The following CACNA1E variants were observed in gnomAD, a reference collection of about 807,000 sequenced individuals.
CACNA1E encodes calcium voltage-gated channel subunit alpha1 E, also known as voltage-dependent R-type calcium channel subunit alpha-1E.
Under a neutral mutation model 259.2 loss-of-function variants are expected in CACNA1E, and 40 were observed. The observed-to-expected ratio is 0.15, with a 90% confidence interval of 0.12 to 0.20. CACNA1E has a LOEUF of 0.20. Among genes scored for constraint, CACNA1E ranks in the 10% least tolerant of loss-of-function variants. The pLI is 1.00. For synonymous variants in CACNA1E, 1,104 were observed against 1,138.5 expected, an observed-to-expected ratio of 0.97 and a Z score of 0.61; for missense variants, 1,874 against 3,040.1, an observed-to-expected ratio of 0.62 and a Z score of 9.02.
upstream of CACNA1E, among the ~76,000 whole-genome samples, chr1:181,480,564 G>A (rs1264642334): frequency 6.6e-6 from 1 of 152,206 alleles, no homozygotes; most frequent in East Asian, 1.9e-4. Context: ...AATACAGGAC[G>A]TGGAATACTG....
At position 181,657,661 on chromosome 1, in the gene CACNA1E, G is replaced by C. The variant is rs74127814; in HGVS notation, c.1055+6220G>C. On this transcript the variant is annotated intron_variant, in intron 7 of 47. Coordinates refer to ENST00000367573, the MANE Select transcript of CACNA1E (RefSeq NM_001205293.3). Reference sequence around the variant, plus strand: ...ATAAGAATATTCATCTAACATCCGTGGGGGAAGGATTGGCATGGAGAGAGA... The same window carrying C: ...ATAAGAATATTCATCTAACATCCGTCGGGGAAGGATTGGCATGGAGAGAGA... 5.3e-3 allele frequency among the ~76,000 whole-genome samples: 808 copies of C among 152,304 alleles called. 6 individuals are homozygous for C. Among genetic ancestry groups the C allele is most frequent in the African/African-American group, 0.019 (777 of 41,560 alleles).
intron 2 of CACNA1E, among the ~76,000 whole-genome samples, chr1:181,442,239 G>GGC (rs1660529281): frequency 6.6e-6 from 1 of 151,348 alleles, no homozygotes; most frequent in Admixed American, 6.6e-5. Context: ...AAGTATGAGG[G>GGC]ACACAGGTGT....
In CACNA1E at chr1:181,464,309, C is replaced by A. The variant is rs558120204; in HGVS notation, c.435-19435C>A. ...AAATGGATAGATTAACCTAAGGGAGCCTTGCCATATTTAAGCTACTTCGTT... is the reference window on the plus strand; with the variant it reads ...AAATGGATAGATTAACCTAAGGGAGACTTGCCATATTTAAGCTACTTCGTT... On this transcript the variant is annotated intron_variant, in intron 2 of 11. Coordinates refer to the CACNA1E transcript ENST00000524607. Among the ~76,000 whole-genome samples, 141 of 150,914 alleles carry A rather than the reference C, an allele frequency of 9.3e-4. 1 individual carries two copies. The highest frequency in any genetic ancestry group is 1.4e-3 in the Non-Finnish European group (95 of 67,838).
rs770927901 is a variant in CACNA1E at position 181,793,744 on chromosome 1, C to T, written c.5978C>T (p.Ala1993Val). 21 of 1,611,054 alleles carry T rather than the reference C, an allele frequency of 1.3e-5. No individual in the cohort carries two copies. Among genetic ancestry groups the T allele is most frequent in the South Asian group, 4.4e-5 (4 of 90,570 alleles). ...CTTCCTTCGGACACCCAGGAGCATG[C>T]GGGATCTGGGAGGGCATCTTCTATG... ...IYLPSDTQEH[A>V]GSGRASSMPR... Residue 1993 changes from alanine (A) to valine (V), a missense_variant, in exon 45 of 48, where the codon GCG (alanine) becomes GTG (valine). By Grantham distance (64) the Ala-to-Val change is moderately conservative. Coordinates refer to ENST00000367573, the MANE Select transcript of CACNA1E (RefSeq NM_001205293.3).
Position 181,351,437 on chromosome 1 carries a change from C to T in CACNA1E, c.-15+33314C>T, listed in dbSNP as rs563001556. Reference sequence around the variant, plus strand: ...CCAGAGTGGCAGAACTTTGGTTTTCCGGTATGGAGATAAAGTGATTTGGAT... The same window carrying T: ...CCAGAGTGGCAGAACTTTGGTTTTCTGGTATGGAGATAAAGTGATTTGGAT... On this transcript the variant is annotated intron_variant, in intron 1 of 11. Transcript: ENST00000524607. Among the ~76,000 whole-genome samples, 24 of 152,294 alleles carry T rather than the reference C, an allele frequency of 1.6e-4. No individual in the cohort carries two copies. In the East Asian group the frequency reaches 3.3e-3, roughly 21 times the overall value.
At chr1:181,621,698 G>A (rs1655731456) in intron 6 of CACNA1E, among the ~76,000 whole-genome samples, 1 of 152,140 alleles carries the variant, frequency 6.6e-6, no homozygotes, top group Non-Finnish European at 1.5e-5. Context: ...GCTCCTTAAT[G>A]GCTTAAAGCA....
At chr1:181,488,620 A>G (rs774075552) in intron 1 of CACNA1E, among the ~76,000 whole-genome samples, 4 of 152,208 alleles carry the variant, frequency 2.6e-5, no homozygotes, top group Non-Finnish European at 4.4e-5. Flanking sequence ...AGTTGGAGTG[A>G]AGGAATTTGA....
intron 44 of CACNA1E, 27 bp from the exon 45 acceptor site, chr1:181,793,638 C>T: frequency 6.2e-7 from 1 of 1,602,846 alleles, no homozygotes; most frequent in Non-Finnish European, 8.5e-7. Flanking sequence ...CCAAGTCCCA[C>T]AAGCTTGGCT....
chr1:181,457,579 G>T (rs551069761), intron 2 of CACNA1E, among the ~76,000 whole-genome samples: 2 of 152,336 alleles, frequency 1.3e-5, no homozygotes, highest in African/African-American at 2.4e-5. Context: ...AACTTCTGCA[G>T]GGGGAGCCTA....
chr1:181,502,282 A>C (rs1380096573), intron 1 of CACNA1E, among the ~76,000 whole-genome samples: 1 of 152,244 alleles, frequency 6.6e-6, no homozygotes, highest in Non-Finnish European at 1.5e-5. Flanking sequence ...AAATAGGAAG[A>C]TAGTCCATAT....
intron 7 of CACNA1E, among the ~76,000 whole-genome samples, chr1:181,661,668 A>G (rs1253826635): frequency 6.6e-6 from 1 of 152,120 alleles, no homozygotes; most frequent in East Asian, 1.9e-4. Flanking sequence ...TTTTTCTTGT[A>G]AGCTATAATT....
rs532780683 is a variant in CACNA1E, at chr1:181,397,738, C to A, written c.-14-15395C>A. ...GACCTGGTGTCCCTCCCCCTCATCC[C>A]GTCTTGTCCTTCCCTCTCCCTGCTG... On this transcript the variant is annotated intron_variant, in intron 1 of 11. Transcript: ENST00000524607. 2.0e-5 allele frequency among the ~76,000 whole-genome samples: 3 copies of A among 152,336 alleles called. No homozygotes were observed. The East Asian group carries it at 5.8e-4, about 29-fold the overall frequency.
intron 1 of CACNA1E, among the ~76,000 whole-genome samples, chr1:181,387,566 G>T (rs1655943870): frequency 6.6e-6 from 1 of 152,178 alleles, no homozygotes; most frequent in African/African-American, 2.4e-5. Context: ...TCCTCAGTGT[G>T]TTCTGTTGTG....
At chr1:181,392,527 C>G (rs935327181) in intron 1 of CACNA1E, among the ~76,000 whole-genome samples, 2 of 152,192 alleles carry the variant, frequency 1.3e-5, no homozygotes, top group African/African-American at 4.8e-5. Flanking sequence ...GTCATTAAGT[C>G]TTTGTATTCA....
Position 181,639,829 on chromosome 1 carries a change from C to A in CACNA1E, c.952-11509C>A, listed in dbSNP as rs1460900398. ...AAACCAAGATGAATTTCTAGGAGGG[C>A]AGCAGGAGAGTGAATAAGAGAGTAC... On this transcript the variant is annotated intron_variant, in intron 6 of 47. Coordinates refer to ENST00000367573, the MANE Select transcript of CACNA1E (RefSeq NM_001205293.3). Among the ~76,000 whole-genome samples the A allele has an allele frequency of 2.0e-5, 3 of 152,066 alleles. No individual in the cohort carries two copies. The East Asian group carries it at 5.8e-4, about 29-fold the overall frequency.
At chr1:181,652,416 A>G (rs1432737146) in intron 7 of CACNA1E, among the ~76,000 whole-genome samples, 1 of 152,250 alleles carries the variant, frequency 6.6e-6, no homozygotes, top group Non-Finnish European at 1.5e-5. Context: ...TTGAAACTCC[A>G]CTAACACAGA....
At chr1:181,687,859 A>G (rs2102304138) in intron 7 of CACNA1E, among the ~76,000 whole-genome samples, 1 of 152,338 alleles carries the variant, frequency 6.6e-6, no homozygotes, top group South Asian at 2.1e-4. Flanking sequence ...AACTAGAATC[A>G]CATAGAATAT....
chr1:181,775,154 C>T (rs1246386394), intron 37 of CACNA1E, among the ~76,000 whole-genome samples: 1 of 152,134 alleles, frequency 6.6e-6, no homozygotes, highest in African/African-American at 2.4e-5. Flanking sequence ...GATTCAATAC[C>T]ATTTTATTGG....
chr1:181,781,573 A>T, intron 39 of CACNA1E, 50 bp downstream of exon 39: 1 of 980,288 alleles, frequency 1.0e-6, no homozygotes, highest in Non-Finnish European at 1.6e-6. Context: ...AGGAAATGGG[A>T]TCTAGTTGTG....
Sources: allele counts gnomAD v4.1 joint callset (sites outside exome capture counted in the v4.1 genomes callset), GRCh38; gene constraint gnomAD v4.1.1; transcripts MANE v1.5; gene names NCBI Gene and HGNC (gene_info 2026-07-23, HGNC 2026-07-21).